ENDOV: variants seen among roughly 807,000 people sequenced by gnomAD.
ENDOV encodes the protein hEndoV.
A neutral mutation model predicts 39.4 loss-of-function variants in ENDOV; 37 were observed. That is an observed-to-expected ratio of 0.94 (90% confidence interval 0.72 to 1.23). The LOEUF (loss-of-function observed/expected upper bound fraction) is 1.23, where lower values mean the gene tolerates loss of function less well. Ranked by LOEUF, ENDOV falls within the 50% of genes most tolerant of loss-of-function variation. ENDOV has a pLI of 0.00. For missense variants in ENDOV, 441 were observed against 375.7 expected (o/e 1.17, Z -1.44); for synonymous variants, 186 against 163.4 (o/e 1.14, Z -1.05).
At chr17:80,430,245 G>C (rs1237731078) in intron 9 of ENDOV, 1 of 1,472,122 alleles carries the variant, frequency 6.8e-7, no homozygotes, top group East Asian at 2.5e-5. Flanking sequence ...CGCTTTCCCG[G>C]AGCCGACGAA....
At chr17:80,415,343 C>A in intron 1 of ENDOV, 93 bp downstream of exon 1, 2 of 1,454,122 alleles carry the variant, frequency 1.4e-6, no homozygotes, top group South Asian at 1.2e-5. Flanking sequence ...GCTGTGGAAT[C>A]GGAGCTGCCA....
At chr17:80,425,333 C>T (rs1015282701) in intron 6 of ENDOV, 159 bp from the exon 7 acceptor site, 28 of 1,126,716 alleles carry the variant, frequency 2.5e-5, no homozygotes, top group Non-Finnish European at 3.2e-5. Context: ...AGCAGGAAGG[C>T]GCCCTGAGGG....
chr17:80,423,473 G>A (rs1364577074), intron 4 of ENDOV, 47 bp from the exon 5 acceptor site: 7 of 1,493,610 alleles, frequency 4.7e-6, no homozygotes, highest in South Asian at 3.7e-5. Context: ...CCCTGTGCCA[G>A]GCCCCAGCCC....
Position 80,422,246 on chromosome 17 carries a change from G to C in ENDOV, c.403+1G>C. On this transcript the variant is annotated splice_donor_variant, in intron 4 of 9. Transcript: ENST00000518137. LOFTEE classifies it high-confidence loss of function. ...GGAAACGGGGTACTCCACCACCGAG[G>C]TAATCCTGCTCTTGGAGGTCCAGGG... 6.2e-7 allele frequency: 1 copy of C among 1,613,688 alleles called. No individual in the cohort carries two copies. The highest frequency in any genetic ancestry group is 8.5e-7 in the Non-Finnish European group (1 of 1,179,820).
At position 80,436,934 on chromosome 17, in the gene ENDOV, T is replaced by TA. The variant is rs1331636018; in HGVS notation, c.*791_*792insA. 1 of 152,928 alleles carries TA rather than the reference T, an allele frequency of 6.5e-6. No individual in the cohort carries two copies. The highest frequency in any genetic ancestry group is 6.5e-5 in the Admixed American group (1 of 15,314). 9.5% of individuals were successfully genotyped at this position (152,928 alleles called of 1,614,324 possible). A position where few individuals can be genotyped will look rare whatever the true frequency, so the allele number is the denominator to read the frequency against. On this transcript the variant is annotated 3_prime_UTR_variant, in exon 10 of 10. Transcript: ENST00000518137. ...AATCTATGTATTTGTTATAGATCGT[T>TA]CGGATTGTCCATCCTTGAGTCAGTT...
At chr17:80,422,366 T>C in intron 4 of ENDOV, 121 bp downstream of exon 4, 1 of 1,231,364 alleles carries the variant, frequency 8.1e-7, no homozygotes. Flanking sequence ...CCCCCTCCAA[T>C]GGCTTCTTTC....
At chr17:80,428,154 C>A (rs556785567) in intron 7 of ENDOV, among the ~76,000 whole-genome samples, 1 of 152,344 alleles carries the variant, frequency 6.6e-6, no homozygotes, top group South Asian at 2.1e-4. Flanking sequence ...TACTGCTGAT[C>A]TAGTCAGGGA....
intron 2 of ENDOV, chr17:80,418,191 C>G (rs934993735): frequency 6.6e-6 from 1 of 152,206 alleles, no homozygotes; most frequent in Non-Finnish European, 1.5e-5. Flanking sequence ...CTCTAGGCCT[C>G]TGTCTCCTTT....
At chr17:80,415,290 G>T (rs927202386) in intron 1 of ENDOV, 40 bp downstream of exon 1, 11 of 1,608,020 alleles carry the variant, frequency 6.8e-6, no homozygotes, top group Non-Finnish European at 9.3e-6. Context: ...GGGGGCCGAG[G>T]CCGGGCGGCC....
chr17:80,429,446 G>A (rs1006572025), intron 8 of ENDOV, among the ~76,000 whole-genome samples: 4 of 151,990 alleles, frequency 2.6e-5, no homozygotes, highest in African/African-American at 4.8e-5. Flanking sequence ...CCCTGCCCTC[G>A]CCCACGATTA....
intron 9 of ENDOV, among the ~76,000 whole-genome samples, chr17:80,432,020 C>T (rs2083360095): frequency 1.3e-5 from 2 of 152,074 alleles, no homozygotes; most frequent in African/African-American, 4.8e-5. Context: ...GCTGTGTGAG[C>T]CTCGGGGACA....
At chr17:80,415,275 G>T in intron 1 of ENDOV, 25 bp downstream of exon 1, 1 of 1,612,470 alleles carries the variant, frequency 6.2e-7, no homozygotes, top group East Asian at 2.2e-5. Flanking sequence ...CGACGCGCAG[G>T]AGGCGGGGGC....
chr17:80,418,040 G>A (rs1323955081), intron 2 of ENDOV: 1 of 152,138 alleles, frequency 6.6e-6, no homozygotes, highest in Non-Finnish European at 1.5e-5. Flanking sequence ...TGCCTACTGT[G>A]TGCTAAGATT....
chr17:80,415,905 G>A (rs990662677), intron 2 of ENDOV, 84 bp downstream of exon 2: 53 of 1,476,612 alleles, frequency 3.6e-5, no homozygotes, highest in South Asian at 2.6e-5. Flanking sequence ...CAGTGCAAGC[G>A]TAGAACCCGG....
At chr17:80,422,140 G>T in intron 3 of ENDOV, 66 bp from the exon 4 acceptor site, 1 of 1,603,274 alleles carries the variant, frequency 6.2e-7, no homozygotes, top group Middle Eastern at 1.7e-4. Context: ...CTTGCCTCAG[G>T]GATGGCCCTG....
chr17:80,425,826 C>A (rs1485363949), intron 7 of ENDOV, among the ~76,000 whole-genome samples: 4 of 152,114 alleles, frequency 2.6e-5, no homozygotes, highest in Non-Finnish European at 2.9e-5. Flanking sequence ...GTGCAGGGCT[C>A]CCAAGAGTTC....
Position 80,430,574 on chromosome 17 carries a change from G to C in ENDOV, c.838+743G>C, listed in dbSNP as rs41301882. Reference sequence around the variant, plus strand: ...GCCATGACCCCTGACCCCAGTCCTGGCCATCCTCCAGCCTGTCCCAGGAAG... The same window carrying C: ...GCCATGACCCCTGACCCCAGTCCTGCCCATCCTCCAGCCTGTCCCAGGAAG... On this transcript the variant is annotated intron_variant, in intron 9 of 9. Coordinates refer to ENST00000518137, the MANE Select transcript of ENDOV (RefSeq NM_173627.5). 6.2e-3 allele frequency among the ~76,000 whole-genome samples: 943 copies of C among 152,272 alleles called. 9 individuals are homozygous for C. The highest frequency in any genetic ancestry group is 0.022 in the African/African-American group (897 of 41,542).
At chr17:80,419,113 CAGTGAGCCG>C (rs892600973) in intron 2 of ENDOV, among the ~76,000 whole-genome samples, 1 of 145,882 alleles carries the variant, frequency 6.9e-6, no homozygotes, top group Non-Finnish European at 1.5e-5. Context: ...GCGGAGCTTG[CAGTGAGCCG>C]AGATCGCGTC....
chr17:80,431,774 A>G (rs917336245), intron 9 of ENDOV, among the ~76,000 whole-genome samples: 1 of 152,102 alleles, frequency 6.6e-6, no homozygotes, highest in Non-Finnish European at 1.5e-5. Flanking sequence ...CTTCCCACCG[A>G]AAGGGGCAGG....
Sources: allele counts gnomAD v4.1 joint callset (sites outside exome capture counted in the v4.1 genomes callset), GRCh38; gene constraint gnomAD v4.1.1; transcripts MANE v1.5; gene names NCBI Gene and HGNC (gene_info 2026-07-23, HGNC 2026-07-21).